The following DOCK1 variants were observed in gnomAD, a reference collection of about 807,000 sequenced individuals.
DOCK1 encodes the protein dedicator of cytokinesis protein 1.
Under a neutral mutation model 262.7 loss-of-function variants are expected in DOCK1, and 138 were observed. The observed-to-expected ratio is 0.53, with a 90% CI of 0.46 to 0.61. The LOEUF (loss-of-function observed/expected upper bound fraction) is 0.61, where lower values mean the gene tolerates loss of function less well. Ranked by LOEUF, DOCK1 falls within the 20% of genes least tolerant of loss-of-function variation. The probability of loss-of-function intolerance (pLI) is 0.00; values close to 1 mark genes in which losing one functional copy is unlikely to be tolerated. For synonymous variants in DOCK1, 866 were observed against 867.4 expected, an observed-to-expected ratio of 1.00 and a Z score of 0.03; for missense variants, 1,908 against 2,370.7, an observed-to-expected ratio of 0.80 and a Z score of 4.05.
chr10:127,231,903 C>T (rs944097610), intron 27 of DOCK1, among the ~76,000 whole-genome samples: 1 of 152,190 alleles, frequency 6.6e-6, no homozygotes, highest in African/African-American at 2.4e-5. Context: ...AGAGACAGTT[C>T]GTGTGTCACC....
intron 27 of DOCK1, among the ~76,000 whole-genome samples, chr10:127,142,702 G>A (rs2051383116): frequency 6.6e-6 from 1 of 152,146 alleles, no homozygotes; most frequent in South Asian, 2.1e-4. Context: ...CCCTCTCGCT[G>A]CCTGCACCTC....
At chr10:127,066,161 G>C (rs1355473857) in intron 23 of DOCK1, among the ~76,000 whole-genome samples, 1 of 152,036 alleles carries the variant, frequency 6.6e-6, no homozygotes, top group Non-Finnish European at 1.5e-5. Context: ...CCCTCGAGTC[G>C]TGTTCTGTGT....
chr10:127,280,637 G>T (rs2060927210), intron 29 of DOCK1, among the ~76,000 whole-genome samples: 1 of 152,148 alleles, frequency 6.6e-6, no homozygotes, highest in Non-Finnish European at 1.5e-5. Context: ...AGAATTCTGG[G>T]CATAGATCAG....
intron 1 of DOCK1, among the ~76,000 whole-genome samples, chr10:126,968,626 T>C (rs74433367): frequency 0.028 from 4,285 of 152,328 alleles, 224 homozygotes; most frequent in African/African-American, 0.097. Flanking sequence ...GATGTGCTCA[T>C]TTTATTTCAT....
chr10:127,235,519 G>A (rs1564923634), intron 27 of DOCK1, among the ~76,000 whole-genome samples: 2 of 152,110 alleles, frequency 1.3e-5, no homozygotes, highest in African/African-American at 2.4e-5. Context: ...TAATTTATTT[G>A]TTTATTTAGT....
chr10:127,008,843 T>C, intron 11 of DOCK1, 39 bp downstream of exon 11: 2 of 1,496,836 alleles, frequency 1.3e-6, no homozygotes, highest in East Asian at 2.3e-5. Context: ...CCAGATATAA[T>C]GTGGAAAACA....
At chr10:127,093,569 G>A (rs1425349153) in intron 23 of DOCK1, among the ~76,000 whole-genome samples, 2 of 151,680 alleles carry the variant, frequency 1.3e-5, no homozygotes, top group Non-Finnish European at 2.9e-5. Context: ...GCCTTGGCTG[G>A]TCTTGAACTC....
At chr10:126,976,161 T>C (rs1378222911) in intron 2 of DOCK1, among the ~76,000 whole-genome samples, 1 of 152,214 alleles carries the variant, frequency 6.6e-6, no homozygotes, top group Admixed American at 6.5e-5. Context: ...AGATGGGCTT[T>C]GATATATGAG....
intron 29 of DOCK1, among the ~76,000 whole-genome samples, chr10:127,303,423 C>T (rs1466682269): frequency 6.6e-6 from 1 of 152,082 alleles, no homozygotes; most frequent in Non-Finnish European, 1.5e-5. Flanking sequence ...CTCAGAGGAG[C>T]CTGGCTAACA....
chr10:126,946,085 C>A (rs931815013), intron 1 of DOCK1, among the ~76,000 whole-genome samples: 1 of 152,150 alleles, frequency 6.6e-6, no homozygotes, highest in Non-Finnish European at 1.5e-5. Flanking sequence ...TGGCATATTA[C>A]ATTAATTTTT....
At chr10:127,413,929 T>TGA (rs58847157) in intron 43 of DOCK1, among the ~76,000 whole-genome samples, 16 of 152,078 alleles carry the variant, frequency 1.1e-4, no homozygotes, top group Non-Finnish European at 2.2e-4. Flanking sequence ...TTTTTTTTTT[T>TGA]GAGAGAGAGT....
intron 19 of DOCK1, among the ~76,000 whole-genome samples, chr10:127,038,666 G>C (rs1029663515): frequency 6.6e-6 from 1 of 152,122 alleles, no homozygotes; most frequent in African/African-American, 2.4e-5. Context: ...CAGCAGTGTC[G>C]GGTATAATTA....
At chr10:127,370,982 A>G (rs1461969319) in intron 33 of DOCK1, among the ~76,000 whole-genome samples, 1 of 152,246 alleles carries the variant, frequency 6.6e-6, no homozygotes, top group South Asian at 2.1e-4. Flanking sequence ...TGAGCAACAC[A>G]GTAAACCCTT....
chr10:127,294,081 C>G (rs1285533265), intron 29 of DOCK1, among the ~76,000 whole-genome samples: 1 of 152,180 alleles, frequency 6.6e-6, no homozygotes, highest in African/African-American at 2.4e-5. Context: ...AGGGCAGGTG[C>G]AGGTGACCAC....
At chr10:127,376,169 G>A (rs1019385537) in intron 35 of DOCK1, among the ~76,000 whole-genome samples, 3 of 152,148 alleles carry the variant, frequency 2.0e-5, no homozygotes, top group African/African-American at 7.2e-5. Flanking sequence ...ATATCCTAAG[G>A]GCTCTAATGG....
intron 29 of DOCK1, among the ~76,000 whole-genome samples, chr10:127,281,202 T>G (rs572624622): frequency 1.3e-5 from 2 of 152,334 alleles, no homozygotes; most frequent in South Asian, 4.1e-4. Context: ...AGAAGCAAAC[T>G]CATAAAGCTC....
chr10:127,048,419 T>G (rs970030024), intron 21 of DOCK1, among the ~76,000 whole-genome samples: 3 of 152,212 alleles, frequency 2.0e-5, no homozygotes, highest in Non-Finnish European at 2.9e-5. Flanking sequence ...ATGTATTTTT[T>G]TTTGTCAGAC....
At chr10:127,196,870 C>A (rs987445594) in intron 27 of DOCK1, among the ~76,000 whole-genome samples, 1 of 151,890 alleles carries the variant, frequency 6.6e-6, no homozygotes, top group African/African-American at 2.4e-5. Context: ...ACCCTGGAGC[C>A]GCCTCCGGAG....
chr10:127,370,043 G>A (rs1330421700), intron 33 of DOCK1, among the ~76,000 whole-genome samples: 1 of 152,050 alleles, frequency 6.6e-6, no homozygotes, highest in East Asian at 1.9e-4. Flanking sequence ...ATACAGTCCA[G>A]CAACTTTCTC....
Sources: gnomAD v4.1 joint callset for allele counts (sites outside exome capture counted in the v4.1 genomes callset) on GRCh38, gnomAD v4.1.1 for gene constraint, MANE v1.5 for transcripts, NCBI Gene and HGNC (gene_info 2026-07-23, HGNC 2026-07-21) for gene names.